The following TFB1M variants were observed in gnomAD, a reference collection of about 807,000 sequenced individuals.
TFB1M encodes dimethyladenosine transferase 1, mitochondrial.
TFB1M carries 27 observed loss-of-function variants against 31.1 expected under a neutral mutation model. That is an observed-to-expected ratio of 0.87 (90% confidence interval 0.64 to 1.20). TFB1M has a LOEUF of 1.20. TFB1M is among the 50% of genes most tolerant of loss of function. The pLI is 0.00. For missense variants in TFB1M, 394 were observed against 418.7 expected (o/e 0.94, Z 0.51); for synonymous variants, 166 against 151.8 (o/e 1.09, Z -0.69).
downstream of TFB1M, chr6:155,256,103 A>C (rs1325458051): frequency 1.2e-5 from 4 of 338,996 alleles, no homozygotes; most frequent in African/African-American, 2.2e-5. Flanking sequence ...ATATGGTGTG[A>C]TCTTCATGAT....
At chr6:155,263,523 C>A (rs2114673210) in intron 5 of TFB1M, among the ~76,000 whole-genome samples, 1 of 152,270 alleles carries the variant, frequency 6.6e-6, no homozygotes, top group South Asian at 2.1e-4. Context: ...GCAGCCTTGG[C>A]CATAACAGGC....
Position 155,305,175 on chromosome 6 carries a change from T to C in TFB1M, c.285+6013A>G, listed in dbSNP as rs186752. On this transcript the variant is annotated intron_variant, in intron 2 of 6. Coordinates refer to ENST00000367166, the MANE Select transcript of TFB1M (RefSeq NM_016020.4). ...AAATATATATTAAATTATATATTTA[T>C]ATATATATTAAATTATATATTTATA... is the stretch of plus-strand genomic sequence containing the variant. 8.5e-4 allele frequency among the ~76,000 whole-genome samples: 69 copies of C among 81,104 alleles called. 1 individual carries two copies. Among genetic ancestry groups the C allele is most frequent in the African/African-American group, 4.1e-3 (67 of 16,496 alleles). 53.2% of individuals were successfully genotyped at this position (81,104 alleles called of 152,430 possible).
At chr6:155,305,815 A>G (rs1777740480) in intron 2 of TFB1M, among the ~76,000 whole-genome samples, 1 of 138,750 alleles carries the variant, frequency 7.2e-6, no homozygotes, top group African/African-American at 2.7e-5. Context: ...TTTGGCAAAT[A>G]TTTTAAAAAT....
chr6:155,257,563 G>T lies in TFB1M; in HGVS notation c.*273C>A. The T allele has an allele frequency of 2.7e-6, 1 of 376,266 alleles. No individual in the cohort carries two copies. The highest frequency in any genetic ancestry group is 4.4e-6 in the Non-Finnish European group (1 of 226,952). The allele number at this position is 376,266 out of a possible 1,614,324, so 23.3% of individuals were successfully genotyped here. A position where few individuals can be genotyped will look rare whatever the true frequency, so the allele number is the denominator to read the frequency against. On this transcript the variant is annotated 3_prime_UTR_variant, in exon 7 of 7. Transcript: ENST00000367166. ...ATGTGGTTTAGGGGCAAAATGTGCAGATACTTCATTTTTGTAAGATAGATT... is the reference window on the plus strand; with the variant it reads ...ATGTGGTTTAGGGGCAAAATGTGCATATACTTCATTTTTGTAAGATAGATT...
chr6:155,286,468 AATATAT>A (rs202019875), intron 4 of TFB1M, among the ~76,000 whole-genome samples: 1 of 147,366 alleles, frequency 6.8e-6, no homozygotes, highest in Non-Finnish European at 1.5e-5. Context: ...TTGGGGACAA[AATATAT>A]ATATATGTGT....
chr6:155,251,993 AAAAG>A, downstream of TFB1M: 3 of 1,605,334 alleles, frequency 1.9e-6, no homozygotes, highest in African/African-American at 2.7e-5. Flanking sequence ...TGCAAACTGA[AAAAG>A]AAATTGGTAA....
In TFB1M at chr6:155,256,651, C is replaced by G. The variant is rs1362227880; in HGVS notation, c.*1185G>C. ...CAGGCAGGACTCCAAGAGCACTTCT[C>G]CCGGGAAATACCCACACCCCGGCTT... On this transcript the variant is annotated 3_prime_UTR_variant, in exon 7 of 7. Transcript: ENST00000367166. 9 of 1,614,072 alleles carry G rather than the reference C, an allele frequency of 5.6e-6. No individual in the cohort carries two copies. Among genetic ancestry groups the G allele is most frequent in the Admixed American group, 1.7e-5 (1 of 60,012 alleles).
chr6:155,241,778 G>A, the TFB1M span, among the ~76,000 whole-genome samples: 15 of 152,158 alleles, frequency 9.9e-5, no homozygotes, highest in Non-Finnish European at 1.0e-4. Context: ...GTGTGGAGAT[G>A]AAGTGAACAG....
At chr6:155,247,945 G>A in the TFB1M span, 2 of 1,548,336 alleles carry the variant, frequency 1.3e-6, no homozygotes, top group Non-Finnish European at 1.8e-6. Flanking sequence ...GAGAAATGAA[G>A]AATTTAATTC....
At chr6:155,249,250 A>G in the TFB1M span, among the ~76,000 whole-genome samples, 3 of 152,238 alleles carry the variant, frequency 2.0e-5, no homozygotes, top group African/African-American at 7.2e-5. Context: ...TCCCTCGCGG[A>G]AAGTTATGAA....
chr6:155,291,502 C>A (rs1187355915), intron 4 of TFB1M, among the ~76,000 whole-genome samples: 1 of 152,202 alleles, frequency 6.6e-6, no homozygotes, highest in Non-Finnish European at 1.5e-5. Context: ...GGGTTCCTAA[C>A]AAACATGCAA....
At chr6:155,252,859 G>A (rs1371514668), downstream of TFB1M, 1 of 1,221,942 alleles carries the variant, frequency 8.2e-7, no homozygotes, top group Non-Finnish European at 1.2e-6. Context: ...TCGCCCACAG[G>A]GAGAACATAA....
intron 4 of TFB1M, among the ~76,000 whole-genome samples, chr6:155,294,697 A>G (rs1191001982): frequency 1.3e-5 from 2 of 152,194 alleles, no homozygotes; most frequent in East Asian, 1.9e-4. Flanking sequence ...GAACTCATAC[A>G]CACTGCTGGT....
chr6:155,275,199 C>T (rs1158488801), intron 5 of TFB1M, among the ~76,000 whole-genome samples: 1 of 151,954 alleles, frequency 6.6e-6, no homozygotes, highest in Non-Finnish European at 1.5e-5. Context: ...GCACTCCAGC[C>T]TGGGTGACAG....
intron 4 of TFB1M, among the ~76,000 whole-genome samples, chr6:155,291,021 G>A (rs1233830223): frequency 6.6e-6 from 1 of 151,982 alleles, no homozygotes; most frequent in Non-Finnish European, 1.5e-5. Flanking sequence ...GTGTAGGTAA[G>A]GTGTTTCCCT....
chr6:155,295,282 C>T (rs948132758), intron 4 of TFB1M, among the ~76,000 whole-genome samples: 10 of 151,704 alleles, frequency 6.6e-5, no homozygotes, highest in Admixed American at 1.3e-4. Context: ...AGGAGAATGG[C>T]GTGAACCCGG....
chr6:155,232,406 A>T, the TFB1M span: 2 of 152,252 alleles, frequency 1.3e-5, no homozygotes, highest in Non-Finnish European at 2.9e-5. Context: ...ATGAACTGGG[A>T]ATATTGTAAG....
chr6:155,240,844 G>C, the TFB1M span: 6 of 886,344 alleles, frequency 6.8e-6, 1 homozygote, highest in Middle Eastern at 9.7e-4. Flanking sequence ...CCTTGAATCA[G>C]TGAATTGCTC....
intron 2 of TFB1M, among the ~76,000 whole-genome samples, chr6:155,299,233 C>T (rs1204909417): frequency 8.5e-5 from 13 of 152,254 alleles, no homozygotes; most frequent in Admixed American, 3.9e-4. Context: ...CCTATTTCCA[C>T]GTACTAATCA....
Sources: gnomAD v4.1 joint callset for allele counts (sites outside exome capture counted in the v4.1 genomes callset) on GRCh38, gnomAD v4.1.1 for gene constraint, MANE v1.5 for transcripts, NCBI Gene and HGNC (gene_info 2026-07-23, HGNC 2026-07-21) for gene names.